The following USP47 variants were observed in gnomAD, a reference collection of about 807,000 sequenced individuals.
USP47 encodes the protein ubiquitin carboxyl-terminal hydrolase 47.
In USP47, 35 loss-of-function variants were observed where a neutral mutation model predicts 165.1. That is an observed-to-expected ratio of 0.21 (90% CI 0.16 to 0.28). The LOEUF is 0.28. Ranked by LOEUF, USP47 falls within the 10% of genes least tolerant of loss-of-function variation. The pLI is 1.00. For synonymous variants in USP47, 531 were observed against 544.5 expected, an observed-to-expected ratio of 0.98 and a Z score of 0.35; for missense variants, 1,277 against 1,607.4, an observed-to-expected ratio of 0.79 and a Z score of 3.52.
chr11:11,918,366 C>T (rs1853582113), intron 8 of USP47, among the ~76,000 whole-genome samples: 1 of 152,044 alleles, frequency 6.6e-6, no homozygotes, highest in Non-Finnish European at 1.5e-5. Flanking sequence ...GGCCTTGAGA[C>T]AGATTGTGTA....
chr11:11,872,786 T>C (rs189598640), intron 1 of USP47, among the ~76,000 whole-genome samples: 393 of 152,328 alleles, frequency 2.6e-3, no homozygotes, highest in African/African-American at 8.9e-3. Flanking sequence ...CTAGTAATTC[T>C]TTCTTTGAGA....
At position 11,922,756 on chromosome 11, in the gene USP47, T is replaced by C. The variant is rs1484265990; in HGVS notation, c.1251T>C (p.Ser417=). ...KSPQTESCTD[S]GAENEGSCHS... ...CTCAGACTGAAAGTTGCACTGACAG[T>C]GGAGCAGAAAATGAAGGTAGTTGTC... The change falls in exon 11 of 28, where the codon AGT becomes AGC. Residue 417 remains serine, a synonymous_variant. Transcript: ENST00000527733. 1.2e-6 allele frequency: 2 copies of C among 1,611,336 alleles called. No homozygotes were observed. Among genetic ancestry groups the C allele is most frequent in the East Asian group, 2.2e-5 (1 of 44,650 alleles).
chr11:11,931,904 A>G (rs1339265445), intron 14 of USP47, among the ~76,000 whole-genome samples: 3 of 152,186 alleles, frequency 2.0e-5, no homozygotes, highest in Non-Finnish European at 4.4e-5. Context: ...GTCTATAGTA[A>G]TGATTTTTTG....
intron 13 of USP47, 128 bp downstream of exon 13, chr11:11,930,248 C>T: frequency 1.3e-6 from 1 of 767,784 alleles, no homozygotes; most frequent in Non-Finnish European, 2.1e-6. Flanking sequence ...TCCAACCTGC[C>T]TCCATATTTT....
At chr11:11,943,323 T>TA (rs1007304318) in intron 20 of USP47, 323 of 381,598 alleles carry the variant, frequency 8.5e-4, no homozygotes, top group East Asian at 1.1e-3. Context: ...AGATAAGAAG[T>TA]AAAAAAAAAT....
intron 11 of USP47, among the ~76,000 whole-genome samples, chr11:11,925,356 C>T (rs1191880530): frequency 1.3e-5 from 2 of 152,122 alleles, no homozygotes; most frequent in East Asian, 3.9e-4. Flanking sequence ...GATCCACCCA[C>T]CTCGGCCTCC....
chr11:11,881,039 T>G (rs1180628672), intron 2 of USP47, among the ~76,000 whole-genome samples: 2 of 152,172 alleles, frequency 1.3e-5, no homozygotes, highest in African/African-American at 4.8e-5. Flanking sequence ...TATTTATCCC[T>G]TATCCATTAT....
chr11:11,893,696 G>A (rs1001011065), intron 4 of USP47, among the ~76,000 whole-genome samples: 18 of 152,110 alleles, frequency 1.2e-4, no homozygotes, highest in African/African-American at 3.9e-4. Flanking sequence ...GGGAATACAG[G>A]TGTGCATCAC....
rs1335012204 is a variant in USP47, at chr11:11,884,537, T to G, written c.314T>G (p.Leu105Arg). ...ANFEPGKKNF[L>R]HLTDKDGEQP... ...TTTGAGCCAGGAAAGAAGAACTTTC[T>G]GCATTTGACAGATAAAGATGGTGAA... The change falls in exon 3 of 28, where the codon CTG becomes CGG. Residue 105 changes from leucine (L) to arginine (R), a missense_variant. Around this residue, in one of 4 missense-constraint regions of USP47, gnomAD observed 181 missense variants for 194.7 expected, o/e 0.93. Coordinates refer to ENST00000527733, the MANE Select transcript of USP47 (RefSeq NM_001282659.2). 1 of 1,611,932 alleles carries G rather than the reference T, an allele frequency of 6.2e-7. No homozygotes were observed. Among genetic ancestry groups the G allele is most frequent in the Admixed American group, 1.7e-5 (1 of 59,442 alleles).
At chr11:11,909,358 A>G (rs985827824) in intron 8 of USP47, among the ~76,000 whole-genome samples, 48 of 152,326 alleles carry the variant, frequency 3.2e-4, no homozygotes, top group African/African-American at 9.9e-4. Context: ...AACTTTGACT[A>G]TGCTTATTGC....
rs1400671249 is a variant in USP47 at position 11,935,898 on chromosome 11, C to A, written c.1870-405C>A. ...TTACTAGTTACATGAATTATCAATT[C>A]TACTCCAGATTGGATTAAGAAAACA... is the stretch of plus-strand genomic sequence containing the variant. On this transcript the variant is annotated intron_variant, in intron 16 of 27. Transcript: ENST00000527733. Among the ~76,000 whole-genome samples the A allele has an allele frequency of 2.0e-5, 3 of 151,872 alleles. No individual in the cohort carries two copies. In the South Asian group the frequency reaches 6.2e-4, roughly 31 times the overall value.
intron 27 of USP47, among the ~76,000 whole-genome samples, chr11:11,955,628 A>G (rs2134917529): frequency 6.6e-6 from 1 of 152,352 alleles, no homozygotes; most frequent in East Asian, 1.9e-4. Context: ...TCTGGGTTCA[A>G]AACTAGCTTT....
At chr11:11,907,145 G>A (rs1392439282) in intron 8 of USP47, among the ~76,000 whole-genome samples, 2 of 152,112 alleles carry the variant, frequency 1.3e-5, no homozygotes, top group Non-Finnish European at 2.9e-5. Flanking sequence ...ACTCTCTTAA[G>A]TATATTAATA....
Position 11,947,975 on chromosome 11 carries a change from C to G in USP47, c.3122C>G (p.Thr1041Ser). ...ATGGTGCATGTTGATAAAAGAATTACTCTGGCAGCTTTCAAACAACATTTA... is the reference window on the plus strand; with the variant it reads ...ATGGTGCATGTTGATAAAAGAATTAGTCTGGCAGCTTTCAAACAACATTTA... ...WLMVHVDKRI[T>S]LAAFKQHLEP... Residue 1041 changes from threonine to serine, a missense_variant, in exon 21 of 28, where the codon ACT becomes AGT. Around this residue, in one of 4 missense-constraint regions of USP47, gnomAD observed 909 missense variants for 1,068.1 expected, o/e 0.85. Transcript: ENST00000527733. 1 of 1,612,170 alleles carries G rather than the reference C, an allele frequency of 6.2e-7. No individual in the cohort carries two copies. The highest frequency in any genetic ancestry group is 1.1e-5 in the South Asian group (1 of 90,668).
At chr11:11,904,278 T>C (rs1852406084) in intron 7 of USP47, among the ~76,000 whole-genome samples, 1 of 152,190 alleles carries the variant, frequency 6.6e-6, no homozygotes, top group Admixed American at 6.5e-5. Context: ...CACATATGAC[T>C]GACGCTGATG....
At chr11:11,855,009 G>A (rs1237779110) in intron 1 of USP47, among the ~76,000 whole-genome samples, 5 of 151,638 alleles carry the variant, frequency 3.3e-5, no homozygotes, top group African/African-American at 1.2e-4. Flanking sequence ...GCAGGAGAAT[G>A]GTGTGAACCC....
At chr11:11,940,329 C>CT in intron 18 of USP47, 100 bp from the exon 19 acceptor site, 1 of 1,226,762 alleles carries the variant, frequency 8.2e-7, no homozygotes, top group Non-Finnish European at 1.1e-6. Flanking sequence ...CTCTCTGCTG[C>CT]TTTTAAGAAG....
chr11:11,937,213 G>T (rs1487568487), intron 17 of USP47, among the ~76,000 whole-genome samples: 5 of 151,772 alleles, frequency 3.3e-5, no homozygotes, highest in Admixed American at 2.6e-4. Context: ...TATGTAAATT[G>T]TAACAAATAG....
chr11:11,947,140 C>A (rs1855899250), intron 20 of USP47, among the ~76,000 whole-genome samples: 1 of 152,132 alleles, frequency 6.6e-6, no homozygotes. Context: ...AATATGAAGA[C>A]CACAGTCAAT....
Sources: allele counts gnomAD v4.1 joint callset (sites outside exome capture counted in the v4.1 genomes callset), GRCh38; gene constraint gnomAD v4.1.1; regional missense constraint gnomAD v4.1.1; transcripts MANE v1.5; gene names NCBI Gene and HGNC (gene_info 2026-07-23, HGNC 2026-07-21).